Variants in MCF2L2 observed in about 807,000 individuals in gnomAD.
MCF2L2 encodes the protein probable guanine nucleotide exchange factor MCF2L2.
In MCF2L2, 102 loss-of-function variants were observed where a neutral mutation model predicts 150.2. That is an observed-to-expected ratio of 0.68 (90% CI 0.58 to 0.80). The LOEUF (loss-of-function observed/expected upper bound fraction) is 0.80. Among genes scored for constraint, MCF2L2 ranks in the 30% least tolerant of loss-of-function variants. The probability of loss-of-function intolerance (pLI) is 0.00; values close to 1 mark genes in which losing one functional copy is unlikely to be tolerated. For synonymous variants in MCF2L2, 465 were observed against 491.3 expected, an observed-to-expected ratio of 0.95 and a Z score of 0.71; for missense variants, 1,256 against 1,372.8, an observed-to-expected ratio of 0.91 and a Z score of 1.34.
At chr3:183,349,390 T>C (rs943510969) in intron 3 of MCF2L2, among the ~76,000 whole-genome samples, 1 of 152,258 alleles carries the variant, frequency 6.6e-6, no homozygotes, top group African/African-American at 2.4e-5. Flanking sequence ...ATACTGTTTT[T>C]GTTATTGCTC....
At chr3:183,319,772 C>T (rs1190698516) in intron 6 of MCF2L2, among the ~76,000 whole-genome samples, 1 of 152,212 alleles carries the variant, frequency 6.6e-6, no homozygotes, top group Non-Finnish European at 1.5e-5. Context: ...CAACAGGTGG[C>T]TTAAAATATG....
chr3:183,344,103 G>A (rs751523904), intron 3 of MCF2L2, among the ~76,000 whole-genome samples: 2 of 151,854 alleles, frequency 1.3e-5, no homozygotes, highest in Admixed American at 6.6e-5. Flanking sequence ...ACAAGAGATA[G>A]ACTGGGCTCA....
In MCF2L2 at chr3:183,179,687, C is replaced by G. The variant is rs2108625346; in HGVS notation, c.3111G>C (p.Ala1037=). ...GACTGTCGTCCGACTGGAAAAGGCC[C>G]GCGAGCTGGAAGGGAGGGGACGGGT... ...MEKESSALSL[A]GLFQSDDSHE... The change falls in exon 29 of 30, where the codon GCG becomes GCC. Residue 1037 remains alanine, a synonymous_variant. Transcript: ENST00000328913. The surrounding 1 kb of genome is among the most constrained non-coding windows in gnomAD (Gnocchi z 4.2). 6.2e-7 allele frequency: 1 copy of G among 1,613,778 alleles called. No individual in the cohort carries two copies. The highest frequency in any genetic ancestry group is 8.5e-7 in the Non-Finnish European group (1 of 1,179,758).
Position 183,187,166 on chromosome 3 carries a change from T to A in MCF2L2, c.3016+5833A>T, listed in dbSNP as rs11927368. ...AAAAAAGATAATGAAAGTAACTAAATTATCTAGGCCCAAAAGGAAATGCCA... is the reference window on the plus strand; with the variant it reads ...AAAAAAGATAATGAAAGTAACTAAAATATCTAGGCCCAAAAGGAAATGCCA... On this transcript the variant is annotated intron_variant, in intron 27 of 29. Coordinates refer to ENST00000328913, the MANE Select transcript of MCF2L2 (RefSeq NM_015078.4). Among the ~76,000 whole-genome samples, 691 of 152,228 alleles carry A rather than the reference T, an allele frequency of 4.5e-3. 2 individuals carry two copies. Among genetic ancestry groups the A allele is most frequent in the African/African-American group, 0.016 (666 of 41,526 alleles).
At chr3:183,339,321 T>C (rs546342695) in intron 4 of MCF2L2, among the ~76,000 whole-genome samples, 22 of 152,326 alleles carry the variant, frequency 1.4e-4, no homozygotes, top group African/African-American at 5.3e-4. Flanking sequence ...TGGCTCATAT[T>C]CTTAAAATAT....
intron 1 of MCF2L2, among the ~76,000 whole-genome samples, chr3:183,420,806 C>T (rs73186907): frequency 0.098 from 14,942 of 152,106 alleles, 777 homozygotes; most frequent in African/African-American, 0.14. Flanking sequence ...CATCAGAACC[C>T]GTGAGAGCTC....
intron 5 of MCF2L2, among the ~76,000 whole-genome samples, chr3:183,334,771 C>T (rs10937125): frequency 6.1e-5 from 8 of 131,064 alleles, no homozygotes; most frequent in African/African-American, 1.5e-4. Context: ...CCAGCCTGGG[C>T]GACAAGAGCA....
intron 11 of MCF2L2, 59 bp downstream of exon 11, chr3:183,299,946 T>C (rs1728751332): frequency 1.3e-6 from 2 of 1,562,744 alleles, no homozygotes; most frequent in Non-Finnish European, 1.7e-6. Context: ...ACGAGTATGA[T>C]GGAAGCTTCT....
rs1442273625 is a variant in MCF2L2, at chr3:183,299,500, T to G, written c.1305+505A>C. 1.9e-5 allele frequency: 3 copies of G among 154,112 alleles called. No individual in the cohort carries two copies. In the Admixed American group the frequency reaches 2.0e-4, roughly 10 times the overall value. The allele number at this position is 154,112 out of a possible 1,614,324, so 9.5% of individuals were successfully genotyped here. ...CACAATGAGGCCATTAATACCTTCC[T>G]CAGAGGTTGTCTTGAGGATTATAAA... On this transcript the variant is annotated intron_variant, in intron 11 of 29. Coordinates refer to ENST00000328913, the MANE Select transcript of MCF2L2 (RefSeq NM_015078.4).
At position 183,309,851 on chromosome 3, in the gene MCF2L2, G is replaced by T; in HGVS notation, c.994-16C>A. 1 of 1,612,816 alleles carries T rather than the reference G, an allele frequency of 6.2e-7. No homozygotes were observed. The highest frequency in any genetic ancestry group is 8.5e-7 in the Non-Finnish European group (1 of 1,179,954). On this transcript the variant is annotated splice_polypyrimidine_tract_variant and intron_variant, in intron 9 of 29. Coordinates refer to ENST00000328913, the MANE Select transcript of MCF2L2 (RefSeq NM_015078.4). ...CAAGCTTAGCCTACAAGAAACATTA[G>T]AACAGTCCAGAAGTAAACCAACACT...
intron 15 of MCF2L2, chr3:183,253,248 CGCCCGCATACA>C (rs1724677048): frequency 6.6e-6 from 1 of 151,484 alleles, no homozygotes. Flanking sequence ...GCCCCCATCC[CGCCCGCATACA>C]GCCCGCATCC....
intron 1 of MCF2L2, among the ~76,000 whole-genome samples, chr3:183,391,136 C>CT (rs1187016246): frequency 1.3e-5 from 2 of 152,044 alleles, no homozygotes; most frequent in African/African-American, 2.4e-5. Context: ...CTACTCTCAG[C>CT]TTTTTGGTGT....
intron 26 of MCF2L2, 137 bp from the exon 27 acceptor site, chr3:183,193,233 C>T: frequency 2.9e-6 from 2 of 684,240 alleles, no homozygotes; most frequent in Non-Finnish European, 5.2e-6. Context: ...CCTCCCTCAC[C>T]TGTAGTTGAA....
chr3:183,391,673 G>A (rs753405446), intron 1 of MCF2L2, among the ~76,000 whole-genome samples: 5 of 152,136 alleles, frequency 3.3e-5, no homozygotes, highest in Admixed American at 6.5e-5. Context: ...GCTGGTTGAT[G>A]GGTCCACAGG....
At chr3:183,216,225 T>C in intron 21 of MCF2L2, 131 bp from the exon 22 acceptor site, 1 of 971,020 alleles carries the variant, frequency 1.0e-6, no homozygotes, top group Non-Finnish European at 1.5e-6. Context: ...TTGATCTGTC[T>C]CCCTGCTCCC....
intron 7 of MCF2L2, among the ~76,000 whole-genome samples, chr3:183,312,029 T>C (rs1729402286): frequency 6.6e-6 from 1 of 152,202 alleles, no homozygotes; most frequent in African/African-American, 2.4e-5. Context: ...CTGCTTTTTG[T>C]ATATCTCAAG....
At position 183,351,234 on chromosome 3, in the gene MCF2L2, A is replaced by ATT. The variant is rs1553786141; in HGVS notation, c.276-9605_276-9604insAA. 7.7e-3 allele frequency among the ~76,000 whole-genome samples: 463 copies of ATT among 59,926 alleles called. 6 individuals carry two copies. Among genetic ancestry groups the ATT allele is most frequent in the Non-Finnish European group, 8.5e-3 (291 of 34,260 alleles). 39.3% of individuals were successfully genotyped at this position (59,926 alleles called of 152,430 possible). ...TATATATATATATATATATATATAT[A>ATT]TATTTATTTATTTATTTATCAGAAC... On this transcript the variant is annotated intron_variant, in intron 3 of 29. Coordinates refer to ENST00000328913, the MANE Select transcript of MCF2L2 (RefSeq NM_015078.4).
chr3:183,341,706 C>T, intron 3 of MCF2L2, 76 bp from the exon 4 acceptor site: 4 of 998,662 alleles, frequency 4.0e-6, no homozygotes, highest in East Asian at 4.8e-5. Flanking sequence ...GCAGAATACA[C>T]CCTGAAGCCT....
chr3:183,212,737 C>T (rs1722775976), intron 22 of MCF2L2, among the ~76,000 whole-genome samples: 1 of 151,976 alleles, frequency 6.6e-6, no homozygotes, highest in South Asian at 2.1e-4. Context: ...GAGCCTGAGT[C>T]CAGAAATGAA....
Sources: gnomAD v4.1 joint callset for allele counts (sites outside exome capture counted in the v4.1 genomes callset) on GRCh38, gnomAD v4.1.1 for gene constraint, Gnocchi (gnomAD v3.1) non-coding constraint, MANE v1.5 for transcripts, NCBI Gene and HGNC (gene_info 2026-07-23, HGNC 2026-07-21) for gene names.